Variants in EML6 observed in about 807,000 individuals in gnomAD.
EML6 encodes echinoderm microtubule-associated protein-like 6.
Under a neutral mutation model 240.1 loss-of-function variants are expected in EML6, and 154 were observed. That is an observed-to-expected ratio of 0.64 (90% CI 0.56 to 0.73). The LOEUF is 0.73. Among genes scored for constraint, EML6 ranks in the 30% least tolerant of loss-of-function variants. The pLI, the probability that EML6 is intolerant of heterozygous loss-of-function variation, is 0.00. For missense variants in EML6, 2,964 were observed against 2,474.6 expected, an observed-to-expected ratio of 1.20 and a Z score of -4.20; for synonymous variants, 1,148 against 899.0, an observed-to-expected ratio of 1.28 and a Z score of -4.95.
chr2:54,935,476 T>C (rs1226413111), intron 28 of EML6, among the ~76,000 whole-genome samples: 2 of 152,248 alleles, frequency 1.3e-5, no homozygotes, highest in African/African-American at 2.4e-5. Context: ...TCTGCATAAC[T>C]TTTTAAAAAT....
At chr2:54,832,987 C>A (rs769067120) in intron 7 of EML6, among the ~76,000 whole-genome samples, 11 of 152,170 alleles carry the variant, frequency 7.2e-5, no homozygotes, top group Non-Finnish European at 1.5e-4. Context: ...ATTTGTGAAA[C>A]AGCGACACTC....
At chr2:54,842,563 G>T (rs1669519844) in intron 7 of EML6, among the ~76,000 whole-genome samples, 1 of 152,234 alleles carries the variant, frequency 6.6e-6, no homozygotes, top group Non-Finnish European at 1.5e-5. Context: ...TCGAACGTCT[G>T]ATACTTTCTA....
rs368251701 is a variant in EML6 at position 54,790,976 on chromosome 2, C to G, written c.198-22256C>G. 2.6e-5 allele frequency among the ~76,000 whole-genome samples: 4 copies of G among 152,148 alleles called. No individual in the cohort carries two copies. The South Asian group carries it at 8.3e-4, about 32-fold the overall frequency. On this transcript the variant is annotated intron_variant, in intron 2 of 41. Transcript: ENST00000356458. ...TCCTGACCTCGTGATCCGCCCGCCT[C>G]GGCCTCCCAAAGTGCTGGAATTACA...
chr2:54,961,184 G>GTTGTTTTTTTTTGTTTTTTTTTTTTTTT lies in EML6; in HGVS notation c.4968+852_4968+853insGTTTTTTTTTGTTTTTTTTTTTTTTTTT. On this transcript the variant is annotated intron_variant, in intron 35 of 41. Coordinates refer to ENST00000356458, the MANE Select transcript of EML6 (RefSeq NM_001039753.4). ...GGAGCCTGGAAGTTATCAGGAAGTA[G>GTTGTTTTTTTTTGTTTTTTTTTTTTTTT]TTTTTTTTTTTTTTTTTTTGAGACG... 5.4e-4 allele frequency among the ~76,000 whole-genome samples: 30 copies of GTTGTTTTTTTTTGTTTTTTTTTTTTTTT among 55,416 alleles called. 4 individuals are homozygous for GTTGTTTTTTTTTGTTTTTTTTTTTTTTT. Among genetic ancestry groups the GTTGTTTTTTTTTGTTTTTTTTTTTTTTT allele is most frequent in the African/African-American group, 2.4e-3 (30 of 12,370 alleles). 36.4% of individuals were successfully genotyped at this position (55,416 alleles called of 152,430 possible). A position where few individuals can be genotyped will look rare whatever the true frequency, so the allele number is the denominator to read the frequency against.
At position 54,962,553 on chromosome 2, in the gene EML6, G is replaced by A. The variant is rs1240398670; in HGVS notation, c.4999G>A (p.Glu1667Lys). The change falls in exon 36 of 42, where the codon GAA (glutamate) becomes AAA (lysine). Residue 1667 changes from glutamate (E) to lysine (K), a missense_variant. Transcript: ENST00000356458. The stretch of plus-strand genomic sequence containing the variant: ...AATCTTAGTGGGAACCAAAGACGGA[G>A]AAATAATTGAAGTTGGTGAAAAAAA... ...GKILVGTKDG[E>K]IIEVGEKNAA... is the part of the protein sequence containing the mutation. 3.9e-6 allele frequency: 6 copies of A among 1,548,058 alleles called. No individual in the cohort carries two copies. Among genetic ancestry groups the A allele is most frequent in the Non-Finnish European group, 1.7e-6 (2 of 1,145,478 alleles).
intron 2 of EML6, among the ~76,000 whole-genome samples, chr2:54,758,340 G>A (rs764028168): frequency 1.3e-5 from 2 of 152,042 alleles, no homozygotes; most frequent in Non-Finnish European, 2.9e-5. Context: ...AGTCCTGTAT[G>A]TCCTGGTTGT....
chr2:54,908,818 T>G (rs945655328), intron 24 of EML6, among the ~76,000 whole-genome samples: 3 of 152,096 alleles, frequency 2.0e-5, no homozygotes, highest in Non-Finnish European at 2.9e-5. Context: ...GAGAGAACTT[T>G]GATTACCCAG....
chr2:54,831,192 G>A (rs569538098), intron 7 of EML6, among the ~76,000 whole-genome samples: 34 of 152,226 alleles, frequency 2.2e-4, no homozygotes, highest in Middle Eastern at 3.4e-3. Context: ...CTTGCCAGAT[G>A]GGATTAGTGA....
At chr2:54,962,809 G>T (rs1042248740) in intron 36 of EML6, 98 bp downstream of exon 36, 20 of 988,890 alleles carry the variant, frequency 2.0e-5, no homozygotes, top group Non-Finnish European at 2.8e-5. Context: ...TGGCAGAGAC[G>T]GGGATGGGGC....
intron 12 of EML6, among the ~76,000 whole-genome samples, chr2:54,862,230 A>G (rs549207560): frequency 1.1e-4 from 17 of 149,094 alleles, no homozygotes; most frequent in African/African-American, 4.0e-4. Flanking sequence ...TCCCAGCTAC[A>G]GGGGAGGCTG....
chr2:54,955,329 C>T (rs112773649), intron 32 of EML6, among the ~76,000 whole-genome samples: 12 of 152,224 alleles, frequency 7.9e-5, no homozygotes, highest in African/African-American at 2.9e-4. Context: ...AGAAGACTTC[C>T]TGCAGTTAGG....
intron 32 of EML6, 62 bp downstream of exon 32, chr2:54,954,218 G>T (rs566339345): frequency 2.8e-6 from 4 of 1,433,716 alleles, no homozygotes; most frequent in East Asian, 2.5e-5. Context: ...CGAGCCTGTG[G>T]GCTCGAACCC....
Position 54,964,797 on chromosome 2 carries a change from A to G in EML6, c.5493+64A>G, listed in dbSNP as rs1047283853. 23 of 1,465,752 alleles carry G rather than the reference A, an allele frequency of 1.6e-5. 1 individual carries two copies. Among genetic ancestry groups the G allele is most frequent in the South Asian group, 1.1e-4 (9 of 78,342 alleles). The allele number at this position is 1,465,752 out of a possible 1,614,324, so 90.8% of individuals were successfully genotyped here. On this transcript the variant is annotated intron_variant, in intron 38 of 41. Coordinates refer to ENST00000356458, the MANE Select transcript of EML6 (RefSeq NM_001039753.4). ...ATAACAGCAGTAATAACAATGGCCT[A>G]TATTAATCGAGTCCTTACTGTGTAC...
At chr2:54,962,857 G>A (rs1362620158) in intron 36 of EML6, 146 bp downstream of exon 36, 15 of 538,916 alleles carry the variant, frequency 2.8e-5, no homozygotes, top group South Asian at 1.7e-4. Flanking sequence ...AACGATAAAA[G>A]AAGCCCCACT....
chr2:54,778,820 C>T (rs557477192), intron 2 of EML6, among the ~76,000 whole-genome samples: 8 of 141,420 alleles, frequency 5.7e-5, no homozygotes, highest in South Asian at 4.6e-4. Context: ...TGAACCTGGG[C>T]GGTGGAGGTT....
chr2:54,832,686 A>G (rs1486663952), intron 7 of EML6, among the ~76,000 whole-genome samples: 1 of 152,072 alleles, frequency 6.6e-6, no homozygotes, highest in East Asian at 1.9e-4. Flanking sequence ...AGAGGGTGGG[A>G]AAAGAGCAAA....
chr2:54,831,250 C>CT, intron 7 of EML6, among the ~76,000 whole-genome samples: 1 of 152,312 alleles, frequency 6.6e-6, no homozygotes, highest in Non-Finnish European at 1.5e-5. Flanking sequence ...ATTCATGACT[C>CT]TTTTTGGCAG....
chr2:54,934,475 G>T (rs1458592771), intron 28 of EML6, among the ~76,000 whole-genome samples: 1 of 151,974 alleles, frequency 6.6e-6, no homozygotes, highest in Admixed American at 6.6e-5. Context: ...TCTAAATTCC[G>T]TTTTTGTCAT....
Position 54,879,652 on chromosome 2 carries a change from C to T in EML6, c.2438+12C>T, listed in dbSNP as rs1236042495. 1 of 1,489,120 alleles carries T rather than the reference C, an allele frequency of 6.7e-7. No individual in the cohort carries two copies. Among genetic ancestry groups the T allele is most frequent in the Non-Finnish European group, 9.2e-7 (1 of 1,089,790 alleles). 92.2% of individuals were successfully genotyped at this position (1,489,120 alleles called of 1,614,324 possible). A position where few individuals can be genotyped will look rare whatever the true frequency, so the allele number is the denominator to read the frequency against. ...ATAGCCACAACAAGGTAAGAAGCTGCCGGGATCTTACGGTATCCTGCTGAT... is the reference window on the plus strand; with the variant it reads ...ATAGCCACAACAAGGTAAGAAGCTGTCGGGATCTTACGGTATCCTGCTGAT... On this transcript the variant is annotated intron_variant, in intron 17 of 41. Transcript: ENST00000356458.
Sources: gnomAD v4.1 joint callset for allele counts (sites outside exome capture counted in the v4.1 genomes callset) on GRCh38, gnomAD v4.1.1 for gene constraint, MANE v1.5 for transcripts, NCBI Gene and HGNC (gene_info 2026-07-23, HGNC 2026-07-21) for gene names.